NCOR2: variants seen among roughly 807,000 people sequenced by gnomAD.
NCOR2 encodes the protein CTG repeat protein 26.
A neutral mutation model predicts 262.9 loss-of-function variants in NCOR2; 81 were observed. That is an observed-to-expected ratio of 0.31 (90% CI 0.26 to 0.37). The LOEUF is 0.37. NCOR2 is among the 10% of genes least tolerant of loss of function. The pLI is 1.00. For missense variants in NCOR2, 3,385 were observed against 3,621.4 expected, an observed-to-expected ratio of 0.93 and a Z score of 1.68; for synonymous variants, 1,659 against 1,559.3, an observed-to-expected ratio of 1.06 and a Z score of -1.51.
rs745764911 is a variant in NCOR2 at position 124,400,532 on chromosome 12, C to T, written c.1782G>A (p.Glu594=). 23 of 1,614,134 alleles carry T rather than the reference C, an allele frequency of 1.4e-5. No individual in the cohort carries two copies. The South Asian group carries it at 2.4e-4, about 17-fold the overall frequency. Residue 594 remains glutamate, a synonymous_variant, in exon 15 of 47, where the codon GAG becomes GAA. Coordinates refer to ENST00000405201, the Ensembl canonical transcript of NCOR2. Reference sequence around the variant, plus strand: ...CGGCGCTCTGCTGGGGGGTGATGGCCTCCTCGCTGTTGGCCTCATTAGCCA... The same window carrying T: ...CGGCGCTCTGCTGGGGGGTGATGGCTTCCTCGCTGTTGGCCTCATTAGCCA...
rs2035941655 is a variant in NCOR2 at position 124,336,775 on chromosome 12, C to G, written c.6093G>C (p.Gln2031His). The change falls in exon 38 of 47, where the codon CAG becomes CAC. Residue 2031 changes from glutamine to histidine, a missense_variant. Transcript: ENST00000405201. ...TACCCAGAGAACGGAGTTCCAGTTC[C>G]TGGATGGAAAAGGGTTTACTTTGAG... is the stretch of plus-strand genomic sequence containing the variant. 1.1e-5 allele frequency: 17 copies of G among 1,613,184 alleles called. No individual in the cohort carries two copies. The East Asian group carries it at 3.8e-4, about 36-fold the overall frequency.
At chr12:124,452,266 C>G (rs1479554191) in intron 6 of NCOR2, among the ~76,000 whole-genome samples, 2 of 152,224 alleles carry the variant, frequency 1.3e-5, no homozygotes, top group Admixed American at 6.5e-5. Context: ...TGGCAAGGGG[C>G]CCTGTGAAGA....
At position 124,566,618 on chromosome 12, in the gene NCOR2, T is replaced by G. The variant is rs764814887; in HGVS notation, c.-165+690A>C. Reference sequence around the variant, plus strand: ...TCTGAATTCCAACTTCGCAAAGTAGTGGCATCCCAAGTATCCGCACAGCCC... The same window carrying G: ...TCTGAATTCCAACTTCGCAAAGTAGGGGCATCCCAAGTATCCGCACAGCCC... On this transcript the variant is annotated intron_variant, in intron 1 of 32. Coordinates refer to the NCOR2 transcript ENST00000458234. This position sits in a 1 kb window ranked among gnomAD's most constrained non-coding sequence, Gnocchi z 4.3. Among the ~76,000 whole-genome samples the G allele has an allele frequency of 6.6e-6, 1 of 152,148 alleles. No individual in the cohort carries two copies. Among genetic ancestry groups the G allele is most frequent in the Non-Finnish European group, 1.5e-5 (1 of 68,022 alleles).
At chr12:124,337,707 CA>C (rs371883227) in intron 37 of NCOR2, among the ~76,000 whole-genome samples, 32 of 152,018 alleles carry the variant, frequency 2.1e-4, no homozygotes, top group African/African-American at 7.3e-4. Context: ...GGAAGGATGC[CA>C]GGGGGCGGCC....
chr12:124,433,733 T>TG (rs2044123152), intron 8 of NCOR2, among the ~76,000 whole-genome samples: 1 of 152,010 alleles, frequency 6.6e-6, no homozygotes, highest in Admixed American at 6.5e-5. Flanking sequence ...AGCTCCGGCC[T>TG]GGCCTGGGTA....
intron 16 of NCOR2, among the ~76,000 whole-genome samples, chr12:124,390,405 C>T (rs2041209921): frequency 1.3e-5 from 2 of 152,150 alleles, no homozygotes; most frequent in South Asian, 4.1e-4. Context: ...ACAGATGTGC[C>T]TTGTCTTCCC....
chr12:124,541,559 T>G (rs1481040246), intron 1 of NCOR2, among the ~76,000 whole-genome samples: 2 of 11,436 alleles, frequency 1.7e-4, no homozygotes, highest in African/African-American at 5.6e-4. Flanking sequence ...GATGGAGGGG[T>G]ATGAGGAGTG....
In NCOR2 at chr12:124,504,979, C is replaced by T. The variant is rs560041268; in HGVS notation, c.-117-9611G>A. Reference sequence around the variant, plus strand: ...TGGTGGTTGCACAACCCGTGAATGTCCTAAATGCAAACTAATTGTTCACTT... The same window carrying T: ...TGGTGGTTGCACAACCCGTGAATGTTCTAAATGCAAACTAATTGTTCACTT... On this transcript the variant is annotated intron_variant, in intron 1 of 46. Transcript: ENST00000404621. The surrounding 1 kb of genome is among the most constrained non-coding windows in gnomAD (Gnocchi z 4.5). Among the ~76,000 whole-genome samples, 5 of 152,272 alleles carry T rather than the reference C, an allele frequency of 3.3e-5. No homozygotes were observed. In the East Asian group the frequency reaches 9.6e-4, roughly 29 times the overall value.
chr12:124,498,462 G>A (rs557695525), upstream of NCOR2, among the ~76,000 whole-genome samples: 23 of 152,130 alleles, frequency 1.5e-4, no homozygotes, highest in Non-Finnish European at 3.2e-4. Flanking sequence ...CTCACATGCC[G>A]GTGGGGCCTG....
intron 16 of NCOR2, among the ~76,000 whole-genome samples, chr12:124,395,932 C>T (rs1009870399): frequency 6.6e-6 from 1 of 152,194 alleles, no homozygotes; most frequent in African/African-American, 2.4e-5. Context: ...TTCACAACAG[C>T]CACATGGAAA....
chr12:124,455,894 GA>G (rs1393887560), intron 6 of NCOR2, among the ~76,000 whole-genome samples: 1 of 152,106 alleles, frequency 6.6e-6, no homozygotes, highest in Non-Finnish European at 1.5e-5. Context: ...GTTTTTTTAT[GA>G]GGCAGGGTCT....
chr12:124,418,479 G>T lies in NCOR2; in HGVS notation c.1482+1478C>A, dbSNP rs914678941. ...TCTGGCAGCCTGGGAAAGGGAAGGC[G>T]GGGCAGCTCTGGGGAGGGGCTAGAG... On this transcript the variant is annotated intron_variant, in intron 13 of 46. Coordinates refer to ENST00000405201, the Ensembl canonical transcript of NCOR2. Among the ~76,000 whole-genome samples, 6 of 2,364 alleles carry T rather than the reference G, an allele frequency of 2.5e-3. No individual in the cohort carries two copies. In the Non-Finnish European group the frequency reaches 0.057, roughly 23 times the overall value. 1.6% of individuals were successfully genotyped at this position (2,364 alleles called of 152,430 possible). A position where few individuals can be genotyped will look rare whatever the true frequency, so the allele number is the denominator to read the frequency against.
At chr12:124,350,594 G>A (rs1158177233) in exon 28 of NCOR2, 7 of 1,613,622 alleles carry the variant, frequency 4.3e-6, no homozygotes, top group South Asian at 1.1e-5. Context: ...CACCCTCATA[G>A]GACAAGACGT....
At chr12:124,541,332 GAGTGGAGATGGAGGGGATGGGA>G (rs2051332088) in intron 1 of NCOR2, among the ~76,000 whole-genome samples, 2 of 13,778 alleles carry the variant, frequency 1.5e-4, no homozygotes, top group African/African-American at 4.6e-4. Context: ...GGGGGATGGG[GAGTGGAGATGGAGGGGATGGGA>G]AGTGGAGAGC....
At chr12:124,333,009 G>A (rs891379649) in intron 42 of NCOR2, 121 bp downstream of exon 44, 108 of 1,355,562 alleles carry the variant, frequency 8.0e-5, no homozygotes, top group Non-Finnish European at 1.0e-4. Context: ...CAGGCTTGAG[G>A]TCACCCAGCT....
chr12:124,549,782 A>C lies in NCOR2; in HGVS notation c.-164-14171T>G, dbSNP rs2137253915. ...AAGATAACCTTATCACGTTTCACGG[A>C]GGGAGAGAGGGCGGCAGGAACGGGG... On this transcript the variant is annotated intron_variant, in intron 1 of 32. Coordinates refer to the NCOR2 transcript ENST00000458234. This position sits in a 1 kb window ranked among gnomAD's most constrained non-coding sequence, Gnocchi z 4.4. Among the ~76,000 whole-genome samples, 1 of 152,292 alleles carries C rather than the reference A, an allele frequency of 6.6e-6. No individual in the cohort carries two copies. Among genetic ancestry groups the C allele is most frequent in the East Asian group, 1.9e-4 (1 of 5,186 alleles).
In NCOR2 at chr12:124,549,370, C is replaced by T. The variant is rs748619041; in HGVS notation, c.-164-13759G>A. 7.2e-5 allele frequency among the ~76,000 whole-genome samples: 11 copies of T among 152,162 alleles called. No individual in the cohort carries two copies. Among genetic ancestry groups the T allele is most frequent in the South Asian group, 2.1e-4 (1 of 4,830 alleles). ...CCGTCTGGCTTTCGAGGAGATAAGC[C>T]GCCTGCTCAGGTTCACGTTCGGGAT... On this transcript the variant is annotated intron_variant, in intron 1 of 32. Coordinates refer to the NCOR2 transcript ENST00000458234. The surrounding 1 kb of genome is among the most constrained non-coding windows in gnomAD (Gnocchi z 4.4).
rs546146164 is a variant in NCOR2, at chr12:124,454,808, C to A, written c.762+2298G>T. Among the ~76,000 whole-genome samples the A allele has an allele frequency of 6.6e-6, 1 of 152,254 alleles. No individual in the cohort carries two copies. Among genetic ancestry groups the A allele is most frequent in the South Asian group, 2.1e-4 (1 of 4,824 alleles). On this transcript the variant is annotated intron_variant, in intron 6 of 46. Coordinates refer to ENST00000405201, the Ensembl canonical transcript of NCOR2. The surrounding 1 kb of genome is among the most constrained non-coding windows in gnomAD (Gnocchi z 5.6). ...TAGCAATTCCACGCCTAGGTACACA[C>A]CCAGGAGAAATGAAGACGTACGTTC...
chr12:124,350,378 T>C (rs1204158535), intron 28 of NCOR2, among the ~76,000 whole-genome samples: 1 of 152,214 alleles, frequency 6.6e-6, no homozygotes, highest in Non-Finnish European at 1.5e-5. Context: ...GTTTGTTTTC[T>C]AAACTGTAAA....
Sources: gnomAD v4.1 joint callset for allele counts (sites outside exome capture counted in the v4.1 genomes callset) on GRCh38, gnomAD v4.1.1 for gene constraint, Gnocchi (gnomAD v3.1) non-coding constraint, MANE v1.5 for transcripts, NCBI Gene and HGNC (gene_info 2026-07-23, HGNC 2026-07-21) for gene names.